The following PRKX variants were observed in gnomAD, a reference collection of about 807,000 sequenced individuals.
PRKX encodes the protein protein kinase cAMP-dependent X-linked catalytic subunit.
A neutral mutation model predicts 22.0 loss-of-function variants in PRKX; 12 were observed. That is an observed-to-expected ratio of 0.54 (90% CI 0.35 to 0.88). The LOEUF (loss-of-function observed/expected upper bound fraction) is 0.88. Ranked by LOEUF, PRKX falls within the 40% of genes least tolerant of loss-of-function variation. The pLI is 0.01. For synonymous variants in PRKX, 134 were observed against 137.7 expected, an observed-to-expected ratio of 0.97 and a Z score of 0.19; for missense variants, 217 against 308.0, an observed-to-expected ratio of 0.70 and a Z score of 2.21.
chrX:3,650,251 G>A (rs888809669), intron 3 of PRKX, among the ~76,000 whole-genome samples: 3 of 111,769 alleles, frequency 2.7e-5, no homozygotes, highest in Non-Finnish European at 5.7e-5. Context: ...GCGGGGCACG[G>A]TGGCTCACGC....
intron 1 of PRKX, 103 bp from the exon 2 acceptor site, chrX:3,674,869 C>G: frequency 2.1e-6 from 2 of 960,124 alleles, no homozygotes; most frequent in Non-Finnish European, 3.0e-6. Flanking sequence ...ACGGCAAACA[C>G]AGACCCCAAG....
intron 1 of PRKX, among the ~76,000 whole-genome samples, chrX:3,693,053 C>G (rs1928366207): frequency 9.1e-6 from 1 of 110,437 alleles, no homozygotes; most frequent in Non-Finnish European, 1.9e-5. Context: ...TTTCCTGGGT[C>G]TCAGGTGCTG....
At chrX:3,653,199 G>C (rs1927373289) in intron 3 of PRKX, among the ~76,000 whole-genome samples, 2 of 111,325 alleles carry the variant, frequency 1.8e-5, no homozygotes, top group South Asian at 7.6e-4. Flanking sequence ...CACGAAGGTG[G>C]AGTCTCATGA....
rs775980280 is a variant in PRKX, at chrX:3,684,953, A to G, written c.167-10187T>C. Among the ~76,000 whole-genome samples the G allele has an allele frequency of 3.1e-3, 341 of 111,547 alleles. 4 individuals are homozygous for G. The highest frequency in any genetic ancestry group is 4.4e-3 in the Non-Finnish European group (235 of 53,055). ...GGCCTCAGCCTCCCAAGTAGCTGGG[A>G]TTACAGGCATGTGCCACCACAGCCA... On this transcript the variant is annotated intron_variant, in intron 1 of 8. Coordinates refer to ENST00000262848, the MANE Select transcript of PRKX (RefSeq NM_005044.5).
chrX:3,711,882 AAG>A (rs1487089329), intron 1 of PRKX, among the ~76,000 whole-genome samples: 4 of 109,942 alleles, frequency 3.6e-5, no homozygotes, highest in Non-Finnish European at 7.6e-5. Flanking sequence ...AAACAGAGAA[AAG>A]AGAGAGAGAA....
At chrX:3,613,939 A>G (rs1420231712) in intron 7 of PRKX, among the ~76,000 whole-genome samples, 2 of 108,886 alleles carry the variant, frequency 1.8e-5, no homozygotes, top group Non-Finnish European at 3.8e-5. Flanking sequence ...AGGACTAGGA[A>G]TAAGCATTTC....
chrX:3,704,422 T>C (rs1928642129), intron 1 of PRKX, among the ~76,000 whole-genome samples: 2 of 111,618 alleles, frequency 1.8e-5, no homozygotes, highest in African/African-American at 6.5e-5. Context: ...CCCAGCACTT[T>C]GGGAGGCTAA....
intron 3 of PRKX, among the ~76,000 whole-genome samples, chrX:3,645,394 T>C (rs1285645371): frequency 8.9e-6 from 1 of 111,819 alleles, no homozygotes; most frequent in Non-Finnish European, 1.9e-5. Flanking sequence ...ACACCTGCAC[T>C]GGTTGAACTG....
chrX:3,669,318 CCAT>C (rs965126389), intron 2 of PRKX, among the ~76,000 whole-genome samples: 1 of 1,650 alleles, frequency 6.1e-4, no homozygotes, highest in Admixed American at 4.5e-3. Flanking sequence ...ATGTTGATCT[CCAT>C]CCATCCATCC....
chrX:3,707,211 C>A (rs768696616), intron 1 of PRKX, among the ~76,000 whole-genome samples: 128 of 111,790 alleles, frequency 1.1e-3, no homozygotes, highest in Middle Eastern at 4.6e-3. Flanking sequence ...ACATATTGTA[C>A]CCGTCCAGTA....
chrX:3,684,480 G>A (rs1928136233), intron 1 of PRKX, among the ~76,000 whole-genome samples: 1 of 111,246 alleles, frequency 9.0e-6, no homozygotes, highest in African/African-American at 3.3e-5. Flanking sequence ...AAAAAATCTA[G>A]TGGCTAAACG....
At chrX:3,617,111 C>T (rs1386405037) in intron 6 of PRKX, among the ~76,000 whole-genome samples, 1 of 106,303 alleles carries the variant, frequency 9.4e-6, no homozygotes, top group Non-Finnish European at 1.9e-5. Flanking sequence ...TACACATATA[C>T]ACGTTAATAT....
chrX:3,696,509 G>A (rs900217235), intron 1 of PRKX, among the ~76,000 whole-genome samples: 2 of 111,989 alleles, frequency 1.8e-5, no homozygotes, highest in African/African-American at 6.5e-5. Flanking sequence ...TTACAATCAA[G>A]TATTGAATGC....
chrX:3,627,933 A>G (rs1926695194), intron 4 of PRKX, among the ~76,000 whole-genome samples: 1 of 111,481 alleles, frequency 9.0e-6, no homozygotes, highest in African/African-American at 3.3e-5. Context: ...CTGGAGAGAC[A>G]TCGGCACGCC....
intron 5 of PRKX, among the ~76,000 whole-genome samples, chrX:3,625,675 G>A (rs749940367): frequency 1.8e-5 from 2 of 110,530 alleles, no homozygotes; most frequent in Non-Finnish European, 3.8e-5. Flanking sequence ...GGGTTCAAGC[G>A]ATTCCGCTGT....
At chrX:3,690,057 G>A (rs1183343588) in intron 1 of PRKX, among the ~76,000 whole-genome samples, 1 of 112,169 alleles carries the variant, frequency 8.9e-6, no homozygotes, top group East Asian at 2.8e-4. Flanking sequence ...TTTTTAAAGG[G>A]TGAATCTTAT....
chrX:3,621,415 G>A (rs1427002411), intron 5 of PRKX, 99 bp from the exon 6 acceptor site: 1 of 737,614 alleles, frequency 1.4e-6, no homozygotes, highest in Non-Finnish European at 2.0e-6. Flanking sequence ...TATCTGACAT[G>A]AGGACCGCAG....
chrX:3,683,797 T>C (rs1487380908), intron 1 of PRKX, among the ~76,000 whole-genome samples: 2 of 111,546 alleles, frequency 1.8e-5, no homozygotes, highest in Admixed American at 1.9e-4. Flanking sequence ...TAAGATCGCA[T>C]CACTGCACTC....
At chrX:3,642,686 CA>C (rs1433074517) in intron 3 of PRKX, among the ~76,000 whole-genome samples, 3 of 108,831 alleles carry the variant, frequency 2.8e-5, no homozygotes, top group Admixed American at 9.9e-5. Context: ...AAAAAAGTGG[CA>C]GTGAAAAGAA....
Sources: gnomAD v4.1 joint callset for allele counts (sites outside exome capture counted in the v4.1 genomes callset) on GRCh38, gnomAD v4.1.1 for gene constraint, MANE v1.5 for transcripts, NCBI Gene and HGNC (gene_info 2026-07-23, HGNC 2026-07-21) for gene names.